The following DHX57 variants were observed in gnomAD, a reference collection of about 807,000 sequenced individuals.
DHX57 encodes the protein putative ATP-dependent RNA helicase DHX57.
DHX57 carries 105 observed loss-of-function variants against 156.2 expected under a neutral mutation model. The observed-to-expected ratio is 0.67, with a 90% CI of 0.57 to 0.79. The LOEUF is 0.79. DHX57 is among the 30% of genes least tolerant of loss of function. The pLI, the probability that DHX57 is intolerant of heterozygous loss-of-function variation, is 0.00. For missense variants in DHX57, 1,847 were observed against 1,661.9 expected, an observed-to-expected ratio of 1.11 and a Z score of -1.94; for synonymous variants, 704 against 595.6, an observed-to-expected ratio of 1.18 and a Z score of -2.65.
chr2:38,846,016 C>T (rs1174356594), intron 11 of DHX57, among the ~76,000 whole-genome samples: 1 of 152,050 alleles, frequency 6.6e-6, no homozygotes, highest in Non-Finnish European at 1.5e-5. Flanking sequence ...CAGGCATGCA[C>T]CACCATGCCC....
chr2:38,873,144 T>G (rs1381844354), intron 1 of DHX57, among the ~76,000 whole-genome samples: 3 of 152,050 alleles, frequency 2.0e-5, no homozygotes, highest in Non-Finnish European at 4.4e-5. Flanking sequence ...CCCGCCACCA[T>G]GCTCCCTGAC....
At chr2:38,872,435 G>C (rs755612968) in intron 1 of DHX57, among the ~76,000 whole-genome samples, 6 of 152,194 alleles carry the variant, frequency 3.9e-5, no homozygotes, top group Non-Finnish European at 8.8e-5. Flanking sequence ...AAAAGACAGA[G>C]ATTGTCAGAC....
intron 9 of DHX57, among the ~76,000 whole-genome samples, chr2:38,851,581 G>A (rs1416395404): frequency 6.6e-6 from 1 of 152,034 alleles, no homozygotes; most frequent in Non-Finnish European, 1.5e-5. Context: ...ATTCAGATGT[G>A]AACATCTTTT....
chr2:38,813,921 A>G, intron 20 of DHX57, 26 bp from the exon 21 acceptor site: 1 of 1,610,416 alleles, frequency 6.2e-7, no homozygotes. Flanking sequence ...AGCATTAATT[A>G]ACAAGTGATA....
At chr2:38,836,072 C>T (rs1012510139) in intron 13 of DHX57, among the ~76,000 whole-genome samples, 1 of 152,186 alleles carries the variant, frequency 6.6e-6, no homozygotes. Flanking sequence ...TGACATTAGA[C>T]AGTCTGGCAG....
chr2:38,861,966 C>T, intron 4 of DHX57, 129 bp from the exon 5 acceptor site: 2 of 1,235,970 alleles, frequency 1.6e-6, no homozygotes, highest in Non-Finnish European at 2.2e-6. Context: ...TTTGAAAAAG[C>T]ATCCCTGATA....
chr2:38,834,920 G>A (rs1375920660), intron 13 of DHX57, among the ~76,000 whole-genome samples: 9 of 152,186 alleles, frequency 5.9e-5, no homozygotes, highest in Non-Finnish European at 1.2e-4. Context: ...TTATGTGGGA[G>A]CAAGATTGCT....
chr2:38,814,097 C>T (rs555392829), intron 20 of DHX57, among the ~76,000 whole-genome samples: 1 of 152,208 alleles, frequency 6.6e-6, no homozygotes, highest in East Asian at 1.9e-4. Flanking sequence ...ACCGCTATGC[C>T]CGGTTAATTT....
At chr2:38,825,021 T>C (rs994306350) in intron 16 of DHX57, among the ~76,000 whole-genome samples, 6 of 152,162 alleles carry the variant, frequency 3.9e-5, no homozygotes, top group Admixed American at 3.3e-4. Flanking sequence ...CAAAAACTAG[T>C]GTTTTAAATT....
chr2:38,829,980 G>A (rs1013353071), intron 13 of DHX57, among the ~76,000 whole-genome samples: 32 of 152,124 alleles, frequency 2.1e-4, no homozygotes, highest in Middle Eastern at 3.4e-3. Flanking sequence ...ATATTTCTGC[G>A]TGAAGAGCAG....
At chr2:38,816,019 C>T (rs777004031) in intron 19 of DHX57, 2 of 409,476 alleles carry the variant, frequency 4.9e-6, no homozygotes, top group East Asian at 7.0e-5. Context: ...GGAATTCCAA[C>T]TCCAAGTGCT....
chr2:38,805,188 C>G (rs540945765), intron 22 of DHX57, among the ~76,000 whole-genome samples: 4 of 152,306 alleles, frequency 2.6e-5, no homozygotes, highest in African/African-American at 9.6e-5. Flanking sequence ...GGAGCTAACT[C>G]AGGCGTCTGG....
intron 1 of DHX57, among the ~76,000 whole-genome samples, chr2:38,870,615 C>G (rs1369772685): frequency 1.3e-5 from 2 of 152,184 alleles, no homozygotes; most frequent in African/African-American, 2.4e-5. Context: ...CGTGGTGGCT[C>G]ATGCCTGTAA....
chr2:38,811,637 G>T, intron 21 of DHX57: 1 of 1,337,664 alleles, frequency 7.5e-7, no homozygotes. Flanking sequence ...CCAGAACCAT[G>T]GAGCCTTTGC....
intron 21 of DHX57, chr2:38,810,429 G>A (rs1670180106): frequency 1.9e-6 from 1 of 525,620 alleles, no homozygotes; most frequent in Non-Finnish European, 3.8e-6. Context: ...CCATTGTACA[G>A]GGGTCTATTT....
chr2:38,800,146 T>A (rs1669607581), intron 23 of DHX57, among the ~76,000 whole-genome samples: 2 of 138,508 alleles, frequency 1.4e-5, no homozygotes, highest in Admixed American at 7.9e-5. Context: ...GATGGCACCA[T>A]GGCACTTCAG....
At chr2:38,810,020 A>G (rs370979277) in intron 21 of DHX57, among the ~76,000 whole-genome samples, 1 of 151,744 alleles carries the variant, frequency 6.6e-6, no homozygotes, top group African/African-American at 2.4e-5. Context: ...CAGCCTCCCA[A>G]GTAGCTGGGA....
intron 11 of DHX57, among the ~76,000 whole-genome samples, chr2:38,843,719 A>C (rs1672128994): frequency 6.6e-6 from 1 of 152,246 alleles, no homozygotes; most frequent in Non-Finnish European, 1.5e-5. Flanking sequence ...CATCATGGCA[A>C]AGCAGAAAAA....
chr2:38,838,230 C>T (rs1448652133), intron 12 of DHX57, among the ~76,000 whole-genome samples: 2 of 152,146 alleles, frequency 1.3e-5, no homozygotes, highest in African/African-American at 2.4e-5. Context: ...TCCTGAGAGG[C>T]TGGGACTGCA....
Sources: gnomAD v4.1 joint callset for allele counts (sites outside exome capture counted in the v4.1 genomes callset) on GRCh38, gnomAD v4.1.1 for gene constraint, MANE v1.5 for transcripts, NCBI Gene and HGNC (gene_info 2026-07-23, HGNC 2026-07-21) for gene names.